The following MGAT4C variants were observed in gnomAD, a reference collection of about 807,000 sequenced individuals.
MGAT4C encodes the protein alpha-1,3-mannosyl-glycoprotein 4-beta-N-acetylglucosaminyltransferase C.
MGAT4C carries 19 observed loss-of-function variants against 40.1 expected under a neutral mutation model. The ratio of observed to expected loss-of-function variants is 0.47; its 90% confidence interval spans 0.33 to 0.70. MGAT4C has a LOEUF of 0.70. Ranked by LOEUF, MGAT4C falls within the 30% of genes least tolerant of loss-of-function variation. The probability of loss-of-function intolerance (pLI) is 0.02; values close to 1 mark genes in which losing one functional copy is unlikely to be tolerated. For synonymous variants in MGAT4C, 181 were observed against 187.1 expected (o/e 0.97, Z 0.27); for missense variants, 491 against 563.2 (o/e 0.87, Z 1.30).
At chr12:86,545,410 A>T (rs1308361295) in intron 2 of MGAT4C, among the ~76,000 whole-genome samples, 1 of 152,018 alleles carries the variant, frequency 6.6e-6, no homozygotes, top group Non-Finnish European at 1.5e-5. Flanking sequence ...TTTCAAATAG[A>T]ACAAACTCAG....
intron 4 of MGAT4C, among the ~76,000 whole-genome samples, chr12:86,285,021 T>G (rs1418296020): frequency 1.3e-5 from 2 of 152,048 alleles, no homozygotes; most frequent in African/African-American, 4.8e-5. Flanking sequence ...TCATATTTTT[T>G]ACTGTAAATA....
intron 2 of MGAT4C, among the ~76,000 whole-genome samples, chr12:86,531,737 A>G (rs1241178599): frequency 6.6e-6 from 1 of 151,952 alleles, no homozygotes; most frequent in African/African-American, 2.4e-5. Context: ...GTTAGGTAGC[A>G]TTACAAACAA....
chr12:86,330,159 T>C (rs1271670452), intron 4 of MGAT4C, among the ~76,000 whole-genome samples: 1 of 152,136 alleles, frequency 6.6e-6, no homozygotes, highest in East Asian at 1.9e-4. Flanking sequence ...AGGACCCTAA[T>C]GTGATATGCA....
intron 2 of MGAT4C, among the ~76,000 whole-genome samples, chr12:86,017,537 A>G (rs1404829892): frequency 1.3e-5 from 2 of 152,184 alleles, no homozygotes; most frequent in African/African-American, 2.4e-5. Flanking sequence ...TTTAACTGCT[A>G]TAAGTAAACA....
rs557343023 is a variant in MGAT4C, at chr12:86,159,538, T to C, written c.-57+96701A>G. Among the ~76,000 whole-genome samples, 4 of 152,094 alleles carry C rather than the reference T, an allele frequency of 2.6e-5. No individual in the cohort carries two copies. In the South Asian group the frequency reaches 8.3e-4, roughly 32 times the overall value. ...TAGTATCAGGCTGATGCTGCCTTCA[T>C]AGAAAGGATTAGAGAGGAGCCCCTC... On this transcript the variant is annotated intron_variant, in intron 1 of 4. Transcript: ENST00000611864.
At chr12:86,451,972 A>G (rs1191090241) in intron 2 of MGAT4C, among the ~76,000 whole-genome samples, 3 of 152,044 alleles carry the variant, frequency 2.0e-5, no homozygotes, top group East Asian at 3.9e-4. Context: ...AACCTGAGTG[A>G]CTATTCTATT....
intron 2 of MGAT4C, among the ~76,000 whole-genome samples, chr12:86,651,977 A>G (rs565557191): frequency 6.6e-6 from 1 of 152,028 alleles, no homozygotes; most frequent in South Asian, 2.1e-4. Flanking sequence ...ATCTGAAGAT[A>G]TGCTTTTTAC....
Position 86,591,747 on chromosome 12 carries a change from T to C in MGAT4C, c.-229+135462A>G, listed in dbSNP as rs549172299. 1.2e-4 allele frequency among the ~76,000 whole-genome samples: 18 copies of C among 151,852 alleles called. No individual in the cohort carries two copies. In the East Asian group the frequency reaches 3.1e-3, roughly 26 times the overall value. On this transcript the variant is annotated intron_variant, in intron 2 of 7. Transcript: ENST00000548651. ...TTTAAATCATCCCAGGTTATTAATA[T>C]ATTACCTTTTGCAAATTTAATTATA...
At chr12:86,234,270 T>C (rs1592531907) in intron 1 of MGAT4C, among the ~76,000 whole-genome samples, 1 of 152,298 alleles carries the variant, frequency 6.6e-6, no homozygotes, top group East Asian at 1.9e-4. Flanking sequence ...CTTAGACTAA[T>C]GTAGAGCCAG....
intron 1 of MGAT4C, among the ~76,000 whole-genome samples, chr12:86,784,395 G>C (rs1352615694): frequency 6.6e-6 from 1 of 151,816 alleles, no homozygotes; most frequent in African/African-American, 2.4e-5. Context: ...TTGAGTATTG[G>C]GTTTAGCATA....
intron 3 of MGAT4C, among the ~76,000 whole-genome samples, chr12:86,343,438 T>C (rs1203074493): frequency 2.6e-5 from 4 of 152,210 alleles, no homozygotes; most frequent in African/African-American, 7.2e-5. Context: ...TATTTGAGCA[T>C]ATTGCATCCT....
At chr12:86,388,043 C>T (rs955121515) in intron 3 of MGAT4C, among the ~76,000 whole-genome samples, 1 of 152,148 alleles carries the variant, frequency 6.6e-6, no homozygotes, top group African/African-American at 2.4e-5. Context: ...GACATGGCTG[C>T]TGAAATGTCT....
chr12:86,782,812 A>G (rs1951867889), intron 1 of MGAT4C, among the ~76,000 whole-genome samples: 7 of 152,166 alleles, frequency 4.6e-5, no homozygotes, highest in Admixed American at 4.6e-4. Flanking sequence ...ACAGTCAGAA[A>G]TTGGATATCT....
intron 2 of MGAT4C, among the ~76,000 whole-genome samples, chr12:85,990,704 AAAT>A (rs1397670615): frequency 6.6e-6 from 1 of 152,166 alleles, no homozygotes; most frequent in Admixed American, 6.5e-5. Context: ...ATAAGTCTAA[AAAT>A]AATTTCTAAA....
intron 1 of MGAT4C, among the ~76,000 whole-genome samples, chr12:86,178,150 A>G (rs945887428): frequency 5.9e-5 from 9 of 152,122 alleles, no homozygotes; most frequent in Non-Finnish European, 1.0e-4. Context: ...GTTAGCCAGG[A>G]TGGTCTTGAT....
rs995513993 is a variant in MGAT4C, at chr12:86,044,060, T to C, written c.-7+5614A>G. Among the ~76,000 whole-genome samples, 7 of 152,354 alleles carry C rather than the reference T, an allele frequency of 4.6e-5. No individual in the cohort carries two copies. The East Asian group carries it at 1.4e-3, about 29-fold the overall frequency. On this transcript the variant is annotated intron_variant, in intron 2 of 4. Transcript: ENST00000611864. The stretch of plus-strand genomic sequence containing the variant: ...TGAATGGGTTTTGTTGCTTTTATCT[T>C]CTTTGTTGCCCTTAAGGGTTTGATT...
At chr12:86,664,148 T>G (rs960761776) in intron 2 of MGAT4C, among the ~76,000 whole-genome samples, 3 of 149,904 alleles carry the variant, frequency 2.0e-5, no homozygotes, top group Admixed American at 2.0e-4. Flanking sequence ...TTTTTTTTTG[T>G]ACTTCAATGA....
chr12:86,531,344 C>T (rs1358493008), intron 2 of MGAT4C, among the ~76,000 whole-genome samples: 2 of 151,964 alleles, frequency 1.3e-5, no homozygotes, highest in Non-Finnish European at 2.9e-5. Flanking sequence ...TCACGGGGTA[C>T]AGAATGGCTT....
chr12:86,678,009 AC>A lies in MGAT4C; in HGVS notation c.-229+49199del, dbSNP rs1372484382. On this transcript the variant is annotated intron_variant, in intron 2 of 7. Coordinates refer to the MGAT4C transcript ENST00000548651. ...AATAACATCCAGTCCCATGGCTTAA[AC>A]ACCAAATGTATGCTGATGAGTCTCA... Among the ~76,000 whole-genome samples, 8 of 152,240 alleles carry A rather than the reference AC, an allele frequency of 5.3e-5. No individual in the cohort carries two copies. In the East Asian group the frequency reaches 1.5e-3, roughly 29 times the overall value.
Sources: gnomAD v4.1 joint callset for allele counts (sites outside exome capture counted in the v4.1 genomes callset) on GRCh38, gnomAD v4.1.1 for gene constraint, MANE v1.5 for transcripts, NCBI Gene and HGNC (gene_info 2026-07-23, HGNC 2026-07-21) for gene names.